Variants in ADGRV1 observed in about 807,000 individuals in gnomAD.
The protein encoded by ADGRV1 is G-protein coupled receptor 98.
In ADGRV1, 359 loss-of-function variants were observed where a neutral mutation model predicts 596.2. The observed-to-expected ratio is 0.60, with a 90% confidence interval of 0.55 to 0.66. The LOEUF (loss-of-function observed/expected upper bound fraction) is 0.66, where lower values mean the gene tolerates loss of function less well. Ranked by LOEUF, ADGRV1 falls within the 30% of genes least tolerant of loss-of-function variation. ADGRV1 has a pLI of 0.00. For synonymous variants in ADGRV1, 2,681 were observed against 2,679.2 expected (o/e 1.00, Z -0.02); for missense variants, 7,274 against 7,575.6 (o/e 0.96, Z 1.48).
intron 83 of ADGRV1, among the ~76,000 whole-genome samples, chr5:90,948,030 G>A (rs1455342270): frequency 6.6e-6 from 1 of 152,020 alleles, no homozygotes; most frequent in Non-Finnish European, 1.5e-5. Context: ...CCTTACAAAG[G>A]TGCTTGAGCA....
intron 85 of ADGRV1, among the ~76,000 whole-genome samples, chr5:91,051,290 A>G (rs1161981438): frequency 6.6e-6 from 1 of 152,234 alleles, no homozygotes; most frequent in Non-Finnish European, 1.5e-5. Flanking sequence ...CAACTTTAGA[A>G]TGATACAAAA....
At chr5:91,000,118 G>A (rs1781738819) in intron 85 of ADGRV1, among the ~76,000 whole-genome samples, 1 of 151,916 alleles carries the variant, frequency 6.6e-6, no homozygotes, top group South Asian at 2.1e-4. Context: ...CACTTGATGT[G>A]TTTCTGTTTA....
At chr5:91,093,387 CT>C (rs911928492) in intron 86 of ADGRV1, among the ~76,000 whole-genome samples, 1 of 152,220 alleles carries the variant, frequency 6.6e-6, no homozygotes, top group African/African-American at 2.4e-5. Context: ...CATTCTTGTA[CT>C]TTCGAAGTCC....
chr5:90,767,263 GT>G (rs1757243065), intron 59 of ADGRV1, among the ~76,000 whole-genome samples: 3 of 152,058 alleles, frequency 2.0e-5, no homozygotes, highest in Admixed American at 1.3e-4. Context: ...TTTGTCAGTC[GT>G]TTTATAGTTT....
chr5:90,622,314 A>G (rs1401516221), intron 4 of ADGRV1, among the ~76,000 whole-genome samples: 1 of 152,182 alleles, frequency 6.6e-6, no homozygotes, highest in African/African-American at 2.4e-5. Flanking sequence ...TTCAACTAAA[A>G]AACCTTTAAA....
At chr5:90,672,395 C>T (rs1212328912) in intron 21 of ADGRV1, 151 bp from the exon 22 acceptor site, 1 of 506,360 alleles carries the variant, frequency 2.0e-6, no homozygotes, top group African/African-American at 1.9e-5. Context: ...CAAAGTTTAT[C>T]TGGGGGAATG....
rs779442763 is a variant in ADGRV1 at position 90,627,499 on chromosome 5, G to A, written c.961G>A (p.Asp321Asn). 1 of 1,613,896 alleles carries A rather than the reference G, an allele frequency of 6.2e-7. No homozygotes were observed. The highest frequency in any genetic ancestry group is 8.5e-7 in the Non-Finnish European group (1 of 1,179,834). Residue 321 changes from aspartate (D) to asparagine (N), a missense_variant, in exon 7 of 90, where the codon GAC becomes AAC. By Grantham distance (23) the Asp-to-Asn change is conservative. Coordinates refer to ENST00000405460, the MANE Select transcript of ADGRV1 (RefSeq NM_032119.4). ...NSTAHAQQNL[D>N]FIDLQPNTTV... is the part of the protein sequence containing the mutation. ...CACAGCACATGCCCAGCAAAATCTGGACTTCATTGATCTTCAGCCAAACAC... is the reference window on the plus strand; with the variant it reads ...CACAGCACATGCCCAGCAAAATCTGAACTTCATTGATCTTCAGCCAAACAC...
intron 87 of ADGRV1, among the ~76,000 whole-genome samples, chr5:91,132,494 C>T (rs34151937): frequency 3.3e-5 from 5 of 152,162 alleles, no homozygotes; most frequent in Non-Finnish European, 7.4e-5. Flanking sequence ...TGGTCCCAAA[C>T]AGAATGCATA....
At chr5:91,154,830 C>G (rs1200597599) in intron 89 of ADGRV1, among the ~76,000 whole-genome samples, 1 of 152,192 alleles carries the variant, frequency 6.6e-6, no homozygotes, top group Non-Finnish European at 1.5e-5. Flanking sequence ...TCTCGTGAGA[C>G]TCACTCACTA....
intron 1 of ADGRV1, among the ~76,000 whole-genome samples, chr5:90,608,639 T>C (rs1329079589): frequency 6.6e-6 from 1 of 152,154 alleles, no homozygotes; most frequent in Non-Finnish European, 1.5e-5. Context: ...CTAAAACATT[T>C]ATCTTTACAT....
At chr5:90,863,724 T>C (rs1767822151) in intron 82 of ADGRV1, 33 bp from the exon 83 acceptor site, 7 of 1,458,672 alleles carry the variant, frequency 4.8e-6, no homozygotes, top group Non-Finnish European at 6.7e-6. Context: ...TCATGGATTA[T>C]TAAACCATAT....
At chr5:90,666,000 C>A (rs1263842967) in intron 21 of ADGRV1, among the ~76,000 whole-genome samples, 93 of 146,868 alleles carry the variant, frequency 6.3e-4, no homozygotes, top group South Asian at 1.1e-3. Flanking sequence ...AATCTCTGTT[C>A]TTTTACATTT....
chr5:90,810,118 T>C (rs1383406250), intron 73 of ADGRV1, 115 bp from the exon 74 acceptor site: 10 of 802,996 alleles, frequency 1.2e-5, no homozygotes, highest in Non-Finnish European at 1.9e-5. Flanking sequence ...TGGCACGTCA[T>C]TGTTAAGTTG....
At chr5:90,634,887 T>C (rs1765968104) in intron 9 of ADGRV1, among the ~76,000 whole-genome samples, 1 of 151,924 alleles carries the variant, frequency 6.6e-6, no homozygotes, top group South Asian at 2.1e-4. Flanking sequence ...AGATAAAGGG[T>C]TTAGGCAGAC....
At position 90,724,984 on chromosome 5, in the gene ADGRV1, G is replaced by T. The variant is rs767494507; in HGVS notation, c.9901G>T (p.Val3301Phe). The T allele has an allele frequency of 6.3e-7, 1 of 1,596,454 alleles. No homozygotes were observed. Among genetic ancestry groups the T allele is most frequent in the Non-Finnish European group, 8.5e-7 (1 of 1,173,634 alleles). Reference protein sequence around the residue: ...VYRWQGIFIPVEDLNIENPKT... With the variant: ...VYRWQGIFIPFEDLNIENPKT... Reference sequence around the variant, plus strand: ...CCGATGGCAGGGGATTTTTATTCCAGTTGAGGTAAACATCAGTATTTTTTT... The same window carrying T: ...CCGATGGCAGGGGATTTTTATTCCATTTGAGGTAAACATCAGTATTTTTTT... Residue 3301 changes from valine (V) to phenylalanine (F), a missense_variant, in exon 46 of 90, where the codon GTT becomes TTT. Coordinates refer to ENST00000405460, the MANE Select transcript of ADGRV1 (RefSeq NM_032119.4).
intron 1 of ADGRV1, among the ~76,000 whole-genome samples, chr5:90,586,876 ACT>A (rs1468744007): frequency 1.3e-5 from 2 of 151,962 alleles, no homozygotes; most frequent in African/African-American, 2.4e-5. Flanking sequence ...TGCTTTTCTA[ACT>A]CTGTCATTCT....
At chr5:90,978,806 C>T (rs1200568619) in intron 84 of ADGRV1, among the ~76,000 whole-genome samples, 1 of 151,894 alleles carries the variant, frequency 6.6e-6, no homozygotes, top group Non-Finnish European at 1.5e-5. Flanking sequence ...AAAACTAAAC[C>T]AAATAAATTG....
intron 50 of ADGRV1, among the ~76,000 whole-genome samples, chr5:90,734,102 C>A (rs1393680638): frequency 6.6e-6 from 1 of 152,076 alleles, no homozygotes; most frequent in Admixed American, 6.6e-5. Flanking sequence ...GAATTTTGTT[C>A]TTTTTTTGAA....
At chr5:90,869,996 G>T (rs994996181) in intron 83 of ADGRV1, among the ~76,000 whole-genome samples, 4 of 152,194 alleles carry the variant, frequency 2.6e-5, no homozygotes, top group Non-Finnish European at 2.9e-5. Flanking sequence ...TAAGGTGACT[G>T]TGAAACTAGT....
Sources: allele counts gnomAD v4.1 joint callset (sites outside exome capture counted in the v4.1 genomes callset), GRCh38; gene constraint gnomAD v4.1.1; transcripts MANE v1.5; gene names NCBI Gene and HGNC (gene_info 2026-07-23, HGNC 2026-07-21).